TM9SF2: variants seen among roughly 807,000 people sequenced by gnomAD.
TM9SF2 encodes transmembrane 9 superfamily member 2, also known as 76 kDa membrane protein.
A neutral mutation model predicts 84.9 loss-of-function variants in TM9SF2; 13 were observed. The ratio of observed to expected loss-of-function variants is 0.15; its 90% CI spans 0.10 to 0.24. The LOEUF (loss-of-function observed/expected upper bound fraction) is 0.24, where lower values mean the gene tolerates loss of function less well. Among genes scored for constraint, TM9SF2 ranks in the 10% least tolerant of loss-of-function variants. TM9SF2 has a pLI of 1.00. For synonymous variants in TM9SF2, 273 were observed against 285.8 expected, an observed-to-expected ratio of 0.96 and a Z score of 0.45; for missense variants, 562 against 818.5, an observed-to-expected ratio of 0.69 and a Z score of 3.82.
At chr13:99,529,634 C>T (rs1424748319) in intron 4 of TM9SF2, 40 bp downstream of exon 4, 12 of 1,455,230 alleles carry the variant, frequency 8.2e-6, no homozygotes, top group Middle Eastern at 1.9e-4. Context: ...TTTATCCTTT[C>T]CATATGAAAT....
In TM9SF2 at chr13:99,562,338, A is replaced by T. The variant is rs548228002; in HGVS notation, c.1925-353A>T. ...GAACCTGTTTTAATGTATTCATCTC[A>T]TACCTTAAAAAATTCTAGTAGCGTT... On this transcript the variant is annotated intron_variant, in intron 16 of 16. Transcript: ENST00000376387. Among the ~76,000 whole-genome samples the T allele has an allele frequency of 2.0e-5, 3 of 152,352 alleles. No individual in the cohort carries two copies. The East Asian group carries it at 5.8e-4, about 29-fold the overall frequency.
intron 6 of TM9SF2, 91 bp downstream of exon 6, chr13:99,537,954 C>T: frequency 6.9e-7 from 1 of 1,454,788 alleles, no homozygotes. Context: ...CCTTAATATT[C>T]TGACATTTCA....
intron 16 of TM9SF2, among the ~76,000 whole-genome samples, chr13:99,559,985 T>A (rs1444987924): frequency 6.6e-6 from 1 of 152,144 alleles, no homozygotes; most frequent in Non-Finnish European, 1.5e-5. Context: ...ATCTAGAAGC[T>A]TTTATCTCCA....
chr13:99,549,251 T>C (rs779815530), intron 12 of TM9SF2, 29 bp downstream of exon 12: 2 of 1,595,844 alleles, frequency 1.3e-6, no homozygotes, highest in African/African-American at 2.7e-5. Flanking sequence ...AATTACTTTC[T>C]TAACATAGTT....
chr13:99,544,070 G>A, intron 10 of TM9SF2, 75 bp downstream of exon 10: 1 of 1,543,284 alleles, frequency 6.5e-7, no homozygotes, highest in Non-Finnish European at 8.8e-7. Context: ...CAGTTTTTCT[G>A]GCCGGGCATG....
chr13:99,501,989 T>G (rs1389847880), intron 1 of TM9SF2, among the ~76,000 whole-genome samples: 2 of 152,176 alleles, frequency 1.3e-5, no homozygotes, highest in African/African-American at 4.8e-5. Flanking sequence ...GCAGTGGGCC[T>G]CAGACTCGCC....
chr13:99,527,377 G>A (rs1285502659), intron 3 of TM9SF2, among the ~76,000 whole-genome samples: 7 of 152,198 alleles, frequency 4.6e-5, no homozygotes, highest in African/African-American at 7.2e-5. Context: ...CATGGCAGAA[G>A]GGGAGGCAAC....
intron 12 of TM9SF2, among the ~76,000 whole-genome samples, chr13:99,550,784 T>A (rs2046302641): frequency 6.6e-6 from 1 of 152,154 alleles, no homozygotes; most frequent in African/African-American, 2.4e-5. Context: ...TTAAAAAAAA[T>A]TTATAGAGAA....
In TM9SF2 at chr13:99,543,892, A is replaced by G. The variant is rs2046271771; in HGVS notation, c.1047A>G (p.Lys349=). The change falls in exon 10 of 17, where the codon AAA becomes AAG. Residue 349 remains lysine, a synonymous_variant. Transcript: ENST00000376387. The part of the protein sequence containing the change: ...TEDAQEEFGW[K]LVHGDIFRPP... Reference sequence around the variant, plus strand: ...ATGCCCAGGAAGAATTTGGCTGGAAACTTGTTCATGGTGATATATTCCGTC... The same window carrying G: ...ATGCCCAGGAAGAATTTGGCTGGAAGCTTGTTCATGGTGATATATTCCGTC... The G allele has an allele frequency of 6.2e-7, 1 of 1,613,986 alleles. No individual in the cohort carries two copies. The highest frequency in any genetic ancestry group is 8.5e-7 in the Non-Finnish European group (1 of 1,179,992).
At chr13:99,501,880 C>T (rs2046067711) in intron 1 of TM9SF2, 103 bp downstream of exon 1, 2 of 1,475,200 alleles carry the variant, frequency 1.4e-6, no homozygotes, top group African/African-American at 1.5e-5. Flanking sequence ...GGGGGCGTAG[C>T]AGCGGGTGGG....
chr13:99,522,977 C>T (rs1035809058), intron 3 of TM9SF2, among the ~76,000 whole-genome samples: 7 of 152,154 alleles, frequency 4.6e-5, no homozygotes, highest in African/African-American at 1.7e-4. Flanking sequence ...GTGTACCCAA[C>T]ATTTTCCCTG....
At chr13:99,513,516 A>G (rs2046121879) in intron 1 of TM9SF2, among the ~76,000 whole-genome samples, 1 of 152,216 alleles carries the variant, frequency 6.6e-6, no homozygotes, top group Non-Finnish European at 1.5e-5. Flanking sequence ...TTTACCCTAA[A>G]TTTATATGCC....
chr13:99,544,076 G>T (rs2046272461), intron 10 of TM9SF2, 81 bp downstream of exon 10: 1 of 1,517,456 alleles, frequency 6.6e-7, no homozygotes, highest in Non-Finnish European at 9.0e-7. Flanking sequence ...TTCTGGCCGG[G>T]CATGGTGGCT....
chr13:99,505,662 A>G (rs1361841743), intron 1 of TM9SF2, among the ~76,000 whole-genome samples: 1 of 152,260 alleles, frequency 6.6e-6, no homozygotes, highest in African/African-American at 2.4e-5. Flanking sequence ...AGCCCTGATT[A>G]TAAGTGACTA....
At chr13:99,535,320 G>A (rs545906276) in intron 4 of TM9SF2, among the ~76,000 whole-genome samples, 13 of 152,004 alleles carry the variant, frequency 8.6e-5, no homozygotes, top group African/African-American at 3.1e-4. Flanking sequence ...TTCTCATTTT[G>A]TAACTAGCAC....
At chr13:99,527,497 G>A (rs548324034) in intron 3 of TM9SF2, among the ~76,000 whole-genome samples, 2 of 152,254 alleles carry the variant, frequency 1.3e-5, no homozygotes, top group East Asian at 3.9e-4. Context: ...CACAAGAACA[G>A]CGTGGGGTAC....
At chr13:99,550,414 C>T (rs2046300750) in intron 12 of TM9SF2, among the ~76,000 whole-genome samples, 1 of 152,182 alleles carries the variant, frequency 6.6e-6, no homozygotes, top group African/African-American at 2.4e-5. Context: ...ATTTTCAAAT[C>T]CAGAAACGAT....
At chr13:99,545,574 CT>C (rs200291592) in intron 10 of TM9SF2, among the ~76,000 whole-genome samples, 31 of 147,184 alleles carry the variant, frequency 2.1e-4, no homozygotes, top group Non-Finnish European at 2.4e-4. Flanking sequence ...TTCTTTCTTT[CT>C]TTTTTTTTTT....
chr13:99,553,568 T>G (rs1038380669), intron 13 of TM9SF2, among the ~76,000 whole-genome samples: 20 of 152,332 alleles, frequency 1.3e-4, no homozygotes, highest in African/African-American at 3.8e-4. Context: ...ACATGTAAAA[T>G]AATAATCTAG....
Sources: gnomAD v4.1 joint callset for allele counts (sites outside exome capture counted in the v4.1 genomes callset) on GRCh38, gnomAD v4.1.1 for gene constraint, MANE v1.5 for transcripts, NCBI Gene and HGNC (gene_info 2026-07-23, HGNC 2026-07-21) for gene names.